CLEC16A: variants seen among roughly 807,000 people sequenced by gnomAD.
The protein encoded by CLEC16A is C-type lectin domain containing 16A.
Under a neutral mutation model 109.5 loss-of-function variants are expected in CLEC16A, and 51 were observed. The ratio of observed to expected loss-of-function variants is 0.47; its 90% CI spans 0.37 to 0.59. The LOEUF (loss-of-function observed/expected upper bound fraction) is 0.59. Among genes scored for constraint, CLEC16A ranks in the 20% least tolerant of loss-of-function variants. CLEC16A has a pLI of 0.00. For missense variants in CLEC16A, 1,339 were observed against 1,394.0 expected (o/e 0.96, Z 0.63); for synonymous variants, 673 against 564.2 (o/e 1.19, Z -2.73).
At chr16:11,139,255 C>T (rs938498064) in intron 22 of CLEC16A, among the ~76,000 whole-genome samples, 1 of 152,146 alleles carries the variant, frequency 6.6e-6, no homozygotes, top group Non-Finnish European at 1.5e-5. Flanking sequence ...GACAGAACCT[C>T]CAAGCTTGGC....
At chr16:11,148,867 A>G (rs2054178935) in intron 22 of CLEC16A, among the ~76,000 whole-genome samples, 2 of 152,246 alleles carry the variant, frequency 1.3e-5, no homozygotes, top group African/African-American at 2.4e-5. Flanking sequence ...CAGGCCCAGA[A>G]GAGCCACAAA....
chr16:10,951,666 C>G (rs1351794256), intron 1 of CLEC16A, among the ~76,000 whole-genome samples: 1 of 152,198 alleles, frequency 6.6e-6, no homozygotes, highest in Non-Finnish European at 1.5e-5. Context: ...TAATAGGAAG[C>G]TTCATCTGTT....
chr16:11,046,717 A>G (rs977469430), intron 16 of CLEC16A, among the ~76,000 whole-genome samples: 2 of 152,220 alleles, frequency 1.3e-5, no homozygotes, highest in Non-Finnish European at 2.9e-5. Flanking sequence ...GGATTTGGTT[A>G]TGTGTATCAG....
chr16:11,032,495 C>T (rs566073061), intron 13 of CLEC16A, among the ~76,000 whole-genome samples: 1 of 152,364 alleles, frequency 6.6e-6, no homozygotes, highest in South Asian at 2.1e-4. Context: ...AAGGCCCCGT[C>T]ATAGGCACTC....
At chr16:11,020,455 C>T (rs1338094420) in intron 12 of CLEC16A, 130 bp downstream of exon 12, 16 of 1,210,184 alleles carry the variant, frequency 1.3e-5, no homozygotes, top group Non-Finnish European at 1.8e-5. Flanking sequence ...CTTTCTTTCC[C>T]TGCTTCTCCA....
chr16:10,947,579 G>A (rs535234230), intron 1 of CLEC16A, among the ~76,000 whole-genome samples: 2 of 152,354 alleles, frequency 1.3e-5, no homozygotes, highest in South Asian at 2.1e-4. Context: ...ATGTCCAGGT[G>A]GGGGCTGATA....
At chr16:11,127,500 C>T (rs1435065450) in intron 22 of CLEC16A, among the ~76,000 whole-genome samples, 1 of 152,204 alleles carries the variant, frequency 6.6e-6, no homozygotes, top group Non-Finnish European at 1.5e-5. Context: ...TATATGTAGT[C>T]CCAACGTGAA....
chr16:11,133,756 G>A (rs537139640), intron 22 of CLEC16A, among the ~76,000 whole-genome samples: 7 of 151,368 alleles, frequency 4.6e-5, no homozygotes, highest in East Asian at 1.9e-4. Flanking sequence ...ACTGGAGCCA[G>A]TTCTCTCCTT....
intron 22 of CLEC16A, among the ~76,000 whole-genome samples, chr16:11,134,425 G>C (rs962921682): frequency 1.3e-5 from 2 of 152,146 alleles, no homozygotes; most frequent in Non-Finnish European, 2.9e-5. Context: ...CTGCCTCACA[G>C]ATAGGAAACT....
chr16:11,063,659 G>A (rs916366106), intron 19 of CLEC16A, among the ~76,000 whole-genome samples: 1 of 152,168 alleles, frequency 6.6e-6, no homozygotes, highest in African/African-American at 2.4e-5. Context: ...TTCCCCAGAA[G>A]CCACCCCAAG....
chr16:11,044,270 A>G, intron 16 of CLEC16A, 198 bp downstream of exon 16: 1 of 411,078 alleles, frequency 2.4e-6, no homozygotes. Context: ...CTTATCAGTA[A>G]AATTTTTGAG....
Position 11,166,539 on chromosome 16 carries a change from C to A in CLEC16A, c.2793C>A (p.Ala931=). 6.2e-7 allele frequency: 1 copy of A among 1,602,362 alleles called. No homozygotes were observed. Among genetic ancestry groups the A allele is most frequent in the African/African-American group, 1.3e-5 (1 of 74,948 alleles). Residue 931 remains alanine (A), a synonymous_variant, in exon 23 of 24, where the codon GCC becomes GCA. Transcript: ENST00000409790. ...GTSSSSTPST[A]QSPADAPMSP... is the part of the protein sequence containing the mutation. ...GCTCGTCCTCCACCCCCTCCACAGCCCAGAGTCCAGCAGGTATTGGCCACG... is the reference window on the plus strand; with the variant it reads ...GCTCGTCCTCCACCCCCTCCACAGCACAGAGTCCAGCAGGTATTGGCCACG...
intron 11 of CLEC16A, among the ~76,000 whole-genome samples, chr16:11,007,677 G>A (rs1457269715): frequency 1.3e-5 from 2 of 152,230 alleles, no homozygotes; most frequent in African/African-American, 4.8e-5. Context: ...AGCAATTTGA[G>A]TGTGGTTGCA....
intron 4 of CLEC16A, among the ~76,000 whole-genome samples, chr16:10,970,587 G>A (rs2042732461): frequency 6.6e-6 from 1 of 152,142 alleles, no homozygotes; most frequent in Non-Finnish European, 1.5e-5. Flanking sequence ...TTTCAAAGTA[G>A]AGATGAGGTC....
At chr16:11,020,450 T>C (rs1453975977) in intron 12 of CLEC16A, 125 bp downstream of exon 12, 4 of 1,238,370 alleles carry the variant, frequency 3.2e-6, no homozygotes, top group Non-Finnish European at 3.2e-6. Flanking sequence ...CCTCCCTTTC[T>C]TTCCCTGCTT....
Position 10,983,010 on chromosome 16 carries a change from G to C in CLEC16A, c.1071+19G>C, listed in dbSNP as rs74163610. 7.4e-7 allele frequency: 1 copy of C among 1,350,072 alleles called. No individual in the cohort carries two copies. Among genetic ancestry groups the C allele is most frequent in the Non-Finnish European group, 1.1e-6 (1 of 941,070 alleles). 83.6% of individuals were successfully genotyped at this position (1,350,072 alleles called of 1,614,324 possible). On this transcript the variant is annotated intron_variant, in intron 10 of 23. Coordinates refer to ENST00000409790, the MANE Select transcript of CLEC16A (RefSeq NM_015226.3). ...AAGTTCTGTAAGTCATTAGCTTCGGGACTGACCTTAACAGGAAACCATTGC... is the reference window on the plus strand; with the variant it reads ...AAGTTCTGTAAGTCATTAGCTTCGGCACTGACCTTAACAGGAAACCATTGC...
intron 11 of CLEC16A, among the ~76,000 whole-genome samples, chr16:11,008,393 C>T (rs543024434): frequency 1.3e-5 from 2 of 152,230 alleles, no homozygotes; most frequent in South Asian, 4.2e-4. Flanking sequence ...GGACATCAGC[C>T]CGGGCGAGTT....
intron 9 of CLEC16A, 24 bp downstream of exon 9, chr16:10,979,406 T>C (rs180728004): frequency 6.2e-7 from 1 of 1,609,452 alleles, no homozygotes; most frequent in East Asian, 2.2e-5. Context: ...TTCACCAATG[T>C]CCCCACTACA....
At chr16:11,156,034 G>T (rs1235655557) in intron 22 of CLEC16A, among the ~76,000 whole-genome samples, 1 of 152,108 alleles carries the variant, frequency 6.6e-6, no homozygotes, top group East Asian at 1.9e-4. Context: ...GGTCAAAATG[G>T]GGCTGATGGG....
Sources: allele counts gnomAD v4.1 joint callset (sites outside exome capture counted in the v4.1 genomes callset), GRCh38; gene constraint gnomAD v4.1.1; transcripts MANE v1.5; gene names NCBI Gene and HGNC (gene_info 2026-07-23, HGNC 2026-07-21).